Variants in ZFHX3 observed in about 807,000 individuals in gnomAD.
ZFHX3 encodes zinc finger homeobox 3.
Under a neutral mutation model 279.1 loss-of-function variants are expected in ZFHX3, and 42 were observed. That is an observed-to-expected ratio of 0.15 (90% CI 0.12 to 0.19). The LOEUF is 0.19. Among genes scored for constraint, ZFHX3 ranks in the 10% least tolerant of loss-of-function variants. The pLI, the probability that ZFHX3 is intolerant of heterozygous loss-of-function variation, is 1.00. For synonymous variants in ZFHX3, 2,293 were observed against 1,957.8 expected (o/e 1.17, Z -4.52); for missense variants, 4,981 against 4,754.0 (o/e 1.05, Z -1.40).
chr16:72,891,052 C>T (rs2038761124), intron 3 of ZFHX3, among the ~76,000 whole-genome samples: 2 of 152,206 alleles, frequency 1.3e-5, no homozygotes, highest in African/African-American at 4.8e-5. Flanking sequence ...AAGACAACTC[C>T]AGTGTTTGTA....
rs2035999815 is a variant in ZFHX3, at chr16:72,798,720, A to AG, written c.3968-7_3968-6insC. 5.7e-6 allele frequency: 1 copy of AG among 175,154 alleles called. No homozygotes were observed. The highest frequency in any genetic ancestry group is 3.5e-5 in the African/African-American group (1 of 28,964). The allele number at this position is 175,154 out of a possible 1,614,324, so 10.8% of individuals were successfully genotyped here. On this transcript the variant is annotated splice_region_variant and splice_polypyrimidine_tract_variant and intron_variant, in intron 8 of 9. Transcript: ENST00000268489. The stretch of plus-strand genomic sequence containing the variant: ...TCCCAGATCCTCTGAGGTTTCTGTT[A>AG]AAAAAAAAAAAAAAATCAAACCCAA...
chr16:73,538,521 T>C (rs903856390), intron 2 of ZFHX3, among the ~76,000 whole-genome samples: 1 of 152,202 alleles, frequency 6.6e-6, no homozygotes, highest in Admixed American at 6.5e-5. Context: ...GTAAGTTTTC[T>C]TTCCTTGCCA....
At chr16:73,073,948 G>A (rs1965854495) in intron 8 of ZFHX3, among the ~76,000 whole-genome samples, 3 of 152,212 alleles carry the variant, frequency 2.0e-5, no homozygotes, top group South Asian at 2.1e-4. Context: ...TGGAGCCACT[G>A]CTAAATTATG....
At chr16:73,584,543 C>T (rs943625943) in intron 2 of ZFHX3, among the ~76,000 whole-genome samples, 2 of 152,078 alleles carry the variant, frequency 1.3e-5, no homozygotes, top group Non-Finnish European at 2.9e-5. Flanking sequence ...ATTTTAAGAA[C>T]AAAGGTGAAA....
chr16:73,420,852 T>G (rs904912744), intron 3 of ZFHX3: 2 of 152,214 alleles, frequency 1.3e-5, no homozygotes, highest in East Asian at 3.9e-4. Flanking sequence ...ACATAATGAA[T>G]CCAGCACATA....
chr16:73,583,462 T>C (rs1251687199), intron 2 of ZFHX3, among the ~76,000 whole-genome samples: 2 of 152,144 alleles, frequency 1.3e-5, no homozygotes, highest in Non-Finnish European at 2.9e-5. Context: ...TTTTAATGAC[T>C]AGGTAGAGAT....
chr16:72,977,589 T>C (rs1378805101), intron 1 of ZFHX3, among the ~76,000 whole-genome samples: 1 of 68,248 alleles, frequency 1.5e-5, no homozygotes, highest in Non-Finnish European at 4.1e-5. Flanking sequence ...CGTGGGTCAG[T>C]GGGGGGAAAA....
intron 2 of ZFHX3, among the ~76,000 whole-genome samples, chr16:73,493,385 A>G (rs2019086284): frequency 6.6e-6 from 1 of 152,220 alleles, no homozygotes; most frequent in Non-Finnish European, 1.5e-5. Flanking sequence ...TCACTTGTGC[A>G]TCCAGGCTTG....
chr16:73,822,610 G>A (rs1960779782), intron 1 of ZFHX3, among the ~76,000 whole-genome samples: 1 of 151,998 alleles, frequency 6.6e-6, no homozygotes, highest in East Asian at 1.9e-4. Context: ...AGATACTGAA[G>A]GTTCCCCAGT....
At chr16:73,026,134 G>T (rs1418940366) in intron 1 of ZFHX3, among the ~76,000 whole-genome samples, 1 of 144,042 alleles carries the variant, frequency 6.9e-6, no homozygotes, top group East Asian at 2.2e-4. Context: ...ATCCCATGAG[G>T]TCAGGAGTTC....
intron 2 of ZFHX3, among the ~76,000 whole-genome samples, chr16:73,577,785 T>C (rs1224713582): frequency 1.3e-5 from 2 of 152,234 alleles, no homozygotes; most frequent in Non-Finnish European, 2.9e-5. Flanking sequence ...CTCCTTATGT[T>C]CCGCCATAGT....
Position 72,887,275 on chromosome 16 carries a change from T to A in ZFHX3, c.3448+2456A>T, listed in dbSNP as rs531469501. Among the ~76,000 whole-genome samples the A allele has an allele frequency of 1.7e-4, 26 of 152,198 alleles. No homozygotes were observed. The East Asian group carries it at 2.9e-3, about 17-fold the overall frequency. Reference sequence around the variant, plus strand: ...ACAGAAAAACTGATAGAGCAGAGCGTTCAGAGATTAGGAAATGTCTACTTC... The same window carrying A: ...ACAGAAAAACTGATAGAGCAGAGCGATCAGAGATTAGGAAATGTCTACTTC... On this transcript the variant is annotated intron_variant, in intron 4 of 9. Transcript: ENST00000268489.
At chr16:73,753,884 T>C (rs1466746772) in intron 1 of ZFHX3, among the ~76,000 whole-genome samples, 2 of 152,028 alleles carry the variant, frequency 1.3e-5, no homozygotes, top group Non-Finnish European at 2.9e-5. Context: ...AACCCTGTAA[T>C]TCCCCTAGAA....
intron 1 of ZFHX3, among the ~76,000 whole-genome samples, chr16:73,014,014 C>G (rs1360572949): frequency 6.6e-6 from 1 of 152,096 alleles, no homozygotes; most frequent in African/African-American, 2.4e-5. Context: ...GTGGATTATC[C>G]AGGGGGCCTG....
At chr16:73,718,653 T>C (rs1334425931) in intron 1 of ZFHX3, among the ~76,000 whole-genome samples, 1 of 151,180 alleles carries the variant, frequency 6.6e-6, no homozygotes, top group Non-Finnish European at 1.5e-5. Flanking sequence ...TCTCGCTCTG[T>C]CACCCAGGCT....
At chr16:73,011,719 C>T (rs1963926331) in intron 1 of ZFHX3, among the ~76,000 whole-genome samples, 1 of 151,422 alleles carries the variant, frequency 6.6e-6, no homozygotes, top group Non-Finnish European at 1.5e-5. Flanking sequence ...AAGACTCAAT[C>T]TCAAGGAAAA....
chr16:72,794,035 T>A lies in ZFHX3; in HGVS notation c.8647A>T (p.Met2883Leu), dbSNP rs747060827. 1.2e-6 allele frequency: 2 copies of A among 1,614,218 alleles called. No individual in the cohort carries two copies. Among genetic ancestry groups the A allele is most frequent in the East Asian group, 2.2e-5 (1 of 44,886 alleles). ...GACAACCGATCTTCATACTCAGACATTGCCATCATGGCCGCTTTGGTCAAC... is the reference window on the plus strand; with the variant it reads ...GACAACCGATCTTCATACTCAGACAATGCCATCATGGCCGCTTTGGTCAAC... The part of the protein sequence containing the change: ...EGLTKAAMMA[M>L]SEYEDRLSSG... Residue 2883 changes from methionine (M) to leucine (L), a missense_variant, in exon 9 of 10, where the codon ATG becomes TTG. By Grantham distance (15) the Met-to-Leu change is conservative. This residue lies in a region of ZFHX3 where 744 missense variants were observed against 701.3 expected (regional missense o/e 1.06). Transcript: ENST00000268489. The surrounding 1 kb of genome is among the most constrained non-coding windows in gnomAD (Gnocchi z 4.2).
rs997824580 is a variant in ZFHX3 at position 73,131,732 on chromosome 16, A to T, written c.-1023-638T>A. 2.0e-5 allele frequency among the ~76,000 whole-genome samples: 3 copies of T among 152,190 alleles called. No individual in the cohort carries two copies. The East Asian group carries it at 5.8e-4, about 29-fold the overall frequency. On this transcript the variant is annotated intron_variant, in intron 6 of 17. Coordinates refer to the ZFHX3 transcript ENST00000641206. ...CCAATGTTGCCTGCAGCAGGGAGTT[A>T]CGAAAAGCCACTGGATCCGAGTCCT... is the stretch of plus-strand genomic sequence containing the variant.
At chr16:73,601,245 G>A (rs1488598833) in intron 2 of ZFHX3, among the ~76,000 whole-genome samples, 21 of 143,042 alleles carry the variant, frequency 1.5e-4, no homozygotes, top group Admixed American at 1.5e-3. Flanking sequence ...AAGGCCAGGA[G>A]ATTGAAACCA....
Sources: allele counts gnomAD v4.1 joint callset (sites outside exome capture counted in the v4.1 genomes callset), GRCh38; gene constraint gnomAD v4.1.1; regional missense constraint gnomAD v4.1.1; non-coding constraint Gnocchi (gnomAD v3.1); transcripts MANE v1.5; gene names NCBI Gene and HGNC (gene_info 2026-07-23, HGNC 2026-07-21).